The following CDV3 variants were observed in gnomAD, a reference collection of about 807,000 sequenced individuals.
CDV3 encodes the protein protein CDV3 homolog.
A neutral mutation model predicts 24.5 loss-of-function variants in CDV3; 14 were observed. That is an observed-to-expected ratio of 0.57 (90% CI 0.38 to 0.89). The LOEUF (loss-of-function observed/expected upper bound fraction) is 0.89, where lower values mean the gene tolerates loss of function less well. Among genes scored for constraint, CDV3 ranks in the 40% least tolerant of loss-of-function variants. The probability of loss-of-function intolerance (pLI) is 0.00; values close to 1 mark genes in which losing one functional copy is unlikely to be tolerated. For missense variants in CDV3, 304 were observed against 310.2 expected, an observed-to-expected ratio of 0.98 and a Z score of 0.15; for synonymous variants, 114 against 114.1, an observed-to-expected ratio of 1.00 and a Z score of 0.00.
At chr3:133,577,851 G>T (rs1199324383) in intron 2 of CDV3, among the ~76,000 whole-genome samples, 7 of 152,136 alleles carry the variant, frequency 4.6e-5, no homozygotes, top group African/African-American at 9.7e-5. Context: ...CCAGTTTTGT[G>T]TCTGAATTAA....
chr3:133,586,862 T>C (rs150055916), intron 4 of CDV3, 140 bp downstream of exon 4: 1 of 623,106 alleles, frequency 1.6e-6, no homozygotes, highest in African/African-American at 1.8e-5. Context: ...GACAGGCAGG[T>C]GAGAATCAGG....
At position 133,588,174 on chromosome 3, in the gene CDV3, C is replaced by G. The variant is rs1933804691; in HGVS notation, c.*128C>G. 3 of 1,541,456 alleles carry G rather than the reference C, an allele frequency of 1.9e-6. No individual in the cohort carries two copies. Among genetic ancestry groups the G allele is most frequent in the Non-Finnish European group, 2.6e-6 (3 of 1,144,802 alleles). On this transcript the variant is annotated 3_prime_UTR_variant, in exon 5 of 5. Transcript: ENST00000264993. ...AGACCACTCGATTTCATGACCGGCC[C>G]TATTGCACTATGGAAGTTAAAGTGT...
rs773779474 is a variant in CDV3 at position 133,583,962 on chromosome 3, T to G, written c.318-40T>G. Reference sequence around the variant, plus strand: ...CTAACGATTTGGACTGAAAATTTTCTTGGTGATTCCTTAATGAATTTACAT... The same window carrying G: ...CTAACGATTTGGACTGAAAATTTTCGTGGTGATTCCTTAATGAATTTACAT... On this transcript the variant is annotated intron_variant, in intron 2 of 4. Coordinates refer to ENST00000264993, the MANE Select transcript of CDV3 (RefSeq NM_017548.5). The G allele has an allele frequency of 7.2e-6, 11 of 1,519,532 alleles. No individual in the cohort carries two copies. In the South Asian group the frequency reaches 1.3e-4, roughly 18 times the overall value. The allele number at this position is 1,519,532 out of a possible 1,614,324, so 94.1% of individuals were successfully genotyped here. A position where few individuals can be genotyped will look rare whatever the true frequency, so the allele number is the denominator to read the frequency against.
At position 133,575,124 on chromosome 3, in the gene CDV3, T is replaced by A. The variant is rs1432500219; in HGVS notation, c.317+9T>A. On this transcript the variant is annotated intron_variant, in intron 2 of 4. Transcript: ENST00000264993. ...CAGGCAATGCAAATAAGGTATAGTC[T>A]GGTTACAAATGTGTTTAGATAACCT... 1 of 1,440,186 alleles carries A rather than the reference T, an allele frequency of 6.9e-7. No homozygotes were observed. The highest frequency in any genetic ancestry group is 1.4e-5 in the African/African-American group (1 of 71,592). 89.2% of individuals were successfully genotyped at this position (1,440,186 alleles called of 1,614,324 possible).
At chr3:133,574,444 C>T (rs1409622799) in intron 1 of CDV3, 160 bp downstream of exon 1, 31 of 985,938 alleles carry the variant, frequency 3.1e-5, no homozygotes, top group Admixed American at 1.2e-4. Flanking sequence ...GGGCTGGGCT[C>T]GCCAGGGCCG....
In CDV3 at chr3:133,587,619, C is replaced by T. The variant is rs1159650380; in HGVS notation, c.627-277C>T. 6 of 1,152,238 alleles carry T rather than the reference C, an allele frequency of 5.2e-6. No individual in the cohort carries two copies. The South Asian group carries it at 1.2e-4, about 22-fold the overall frequency. 71.4% of individuals were successfully genotyped at this position (1,152,238 alleles called of 1,614,324 possible). On this transcript the variant is annotated intron_variant, in intron 4 of 4. Transcript: ENST00000264993. Reference sequence around the variant, plus strand: ...GAGTCTTAGGAGGAATGTCATTACACAGCTTTTAACAGTTTTCTTCAAGTT... The same window carrying T: ...GAGTCTTAGGAGGAATGTCATTACATAGCTTTTAACAGTTTTCTTCAAGTT...
At chr3:133,583,479 C>T (rs191039409) in intron 2 of CDV3, among the ~76,000 whole-genome samples, 10 of 152,306 alleles carry the variant, frequency 6.6e-5, no homozygotes, top group Non-Finnish European at 1.2e-4. Context: ...CTCCCTTAGT[C>T]GCTTGAGGTG....
rs1933911460 is a variant in CDV3 at position 133,589,384 on chromosome 3, T to TA, written c.*1339dup. Reference sequence around the variant, plus strand: ...ATGTAGCACTTCTGTTTTTAATAATTATTGCTTAAAATACCTATTAATAGT... The same window carrying TA: ...ATGTAGCACTTCTGTTTTTAATAATTAATTGCTTAAAATACCTATTAATAGT... On this transcript the variant is annotated 3_prime_UTR_variant, in exon 5 of 5. Coordinates refer to ENST00000264993, the MANE Select transcript of CDV3 (RefSeq NM_017548.5). 6.6e-6 allele frequency: 1 copy of TA among 152,594 alleles called. No homozygotes were observed. 9.5% of individuals were successfully genotyped at this position (152,594 alleles called of 1,614,324 possible). A position where few individuals can be genotyped will look rare whatever the true frequency, so the allele number is the denominator to read the frequency against.
At chr3:133,587,758 G>A (rs763691235) in intron 4 of CDV3, 138 bp from the exon 5 acceptor site, 20 of 1,431,948 alleles carry the variant, frequency 1.4e-5, no homozygotes, top group Non-Finnish European at 1.8e-5. Context: ...GGTTTGATAA[G>A]GATTTTCTAT....
Position 133,575,047 on chromosome 3 carries a change from T to G in CDV3, c.249T>G (p.Asp83Glu). The change falls in exon 2 of 5, where the codon GAT becomes GAG. Residue 83 changes from aspartate (D) to glutamate (E), a missense_variant. By Grantham distance (45) the Asp-to-Glu change is conservative. Coordinates refer to ENST00000264993, the MANE Select transcript of CDV3 (RefSeq NM_017548.5). ...TGGCGTTTGTTTTACAGGACGAAGA[T>G]GAATGGAAAGAATTGGAGCAAAAAG... ...AATKAVTKDE[D>E]EWKELEQKEV... 1.3e-6 allele frequency: 2 copies of G among 1,598,176 alleles called. No homozygotes were observed. Among genetic ancestry groups the G allele is most frequent in the Non-Finnish European group, 1.7e-6 (2 of 1,165,558 alleles).
Position 133,574,088 on chromosome 3 carries a change from A to C in CDV3, c.44A>C (p.Lys15Thr). The C allele has an allele frequency of 8.1e-7, 1 of 1,236,656 alleles. No homozygotes were observed. Among genetic ancestry groups the C allele is most frequent in the Non-Finnish European group, 1.0e-6 (1 of 964,630 alleles). 76.6% of individuals were successfully genotyped at this position (1,236,656 alleles called of 1,614,324 possible). A position where few individuals can be genotyped will look rare whatever the true frequency, so the allele number is the denominator to read the frequency against. Reference sequence around the variant, plus strand: ...CGGAGCCTGGACAACTTCTTTGCCAAGAGGGACAAGAAGAAGAAGAAGGAG... The same window carrying C: ...CGGAGCCTGGACAACTTCTTTGCCACGAGGGACAAGAAGAAGAAGAAGGAG... ...EERSLDNFFA[K>T]RDKKKKKERS... The change falls in exon 1 of 5, where the codon AAG becomes ACG. Residue 15 changes from lysine to threonine, a missense_variant. Lys to Thr is a moderately conservative substitution (Grantham distance 78). This residue lies in a region of CDV3 where 219 missense variants were observed against 203.6 expected (regional missense o/e 1.08). Coordinates refer to ENST00000264993, the MANE Select transcript of CDV3 (RefSeq NM_017548.5).
intron 2 of CDV3, among the ~76,000 whole-genome samples, chr3:133,576,091 T>A (rs1412263780): frequency 6.6e-6 from 1 of 152,246 alleles, no homozygotes; most frequent in Non-Finnish European, 1.5e-5. Context: ...TAGCTTTAGA[T>A]AACTTACTCA....
At chr3:133,574,749 G>A (rs2074738249) in intron 1 of CDV3, 3 of 1,089,248 alleles carry the variant, frequency 2.8e-6, no homozygotes, top group Admixed American at 4.9e-5. Context: ...CAAGGTTGAA[G>A]TAGAAATGTA....
At chr3:133,582,783 A>G (rs556419547) in intron 2 of CDV3, among the ~76,000 whole-genome samples, 2 of 152,334 alleles carry the variant, frequency 1.3e-5, no homozygotes, top group African/African-American at 2.4e-5. Flanking sequence ...CACCATTGTC[A>G]TGAAAAATAA....
rs564027119 is a variant in CDV3 at position 133,574,960 on chromosome 3, C to G, written c.241-79C>G. 5 of 922,200 alleles carry G rather than the reference C, an allele frequency of 5.4e-6. 1 individual carries two copies. In the South Asian group the frequency reaches 5.7e-5, roughly 11 times the overall value. The allele number at this position is 922,200 out of a possible 1,614,324, so 57.1% of individuals were successfully genotyped here. A position where few individuals can be genotyped will look rare whatever the true frequency, so the allele number is the denominator to read the frequency against. ...TTAGTTTAGGTTCCAGCCACTTGAT[C>G]CACTTTTCGTAGTGTGTTATTTGCT... On this transcript the variant is annotated intron_variant, in intron 1 of 4. Transcript: ENST00000264993.
rs1559793589 is a variant in CDV3 at position 133,588,142 on chromosome 3, C to T, written c.*96C>T. ...CTGATCTCTGCTGGATCTACAGACA[C>T]CGATGCAGACCACTCGATTTCATGA... On this transcript the variant is annotated 3_prime_UTR_variant, in exon 5 of 5. Transcript: ENST00000264993. 1.9e-6 allele frequency: 3 copies of T among 1,560,104 alleles called. No homozygotes were observed. The South Asian group carries it at 3.7e-5, about 19-fold the overall frequency.
rs1261313688 is a variant in CDV3, at chr3:133,589,945, T to C, written c.*1899T>C. On this transcript the variant is annotated 3_prime_UTR_variant, in exon 5 of 5. Coordinates refer to ENST00000264993, the MANE Select transcript of CDV3 (RefSeq NM_017548.5). ...CTCTTCATCGTTGAACTGTGCATTT[T>C]CCCTGCATTTTTTCCCAACAAAATT... 6.6e-6 allele frequency: 1 copy of C among 152,250 alleles called. No individual in the cohort carries two copies. The highest frequency in any genetic ancestry group is 1.5e-5 in the Non-Finnish European group (1 of 68,044). The allele number at this position is 152,250 out of a possible 1,614,324, so 9.4% of individuals were successfully genotyped here.
At chr3:133,575,190 C>A in intron 2 of CDV3, 75 bp downstream of exon 2, 1 of 805,028 alleles carries the variant, frequency 1.2e-6, no homozygotes, top group East Asian at 2.5e-5. Context: ...TTCCTTTGGC[C>A]CCAAAGCAGC....
rs1933831194 is a variant in CDV3 at position 133,588,506 on chromosome 3, C to CA, written c.*461dup. 1 of 859,650 alleles carries CA rather than the reference C, an allele frequency of 1.2e-6. No homozygotes were observed. Among genetic ancestry groups the CA allele is most frequent in the Non-Finnish European group, 1.8e-6 (1 of 556,854 alleles). The allele number at this position is 859,650 out of a possible 1,614,324, so 53.3% of individuals were successfully genotyped here. A position where few individuals can be genotyped will look rare whatever the true frequency, so the allele number is the denominator to read the frequency against. On this transcript the variant is annotated 3_prime_UTR_variant, in exon 5 of 5. Transcript: ENST00000264993. ...TACTGGATTCTTATCAGAAATCCTGCATAAAAAGTCAGCCATCTGGGTTCT... is the reference window on the plus strand; with the variant it reads ...TACTGGATTCTTATCAGAAATCCTGCAATAAAAAGTCAGCCATCTGGGTTCT...
Sources: gnomAD v4.1 joint callset for allele counts (sites outside exome capture counted in the v4.1 genomes callset) on GRCh38, gnomAD v4.1.1 for gene constraint, gnomAD v4.1.1 regional missense constraint, MANE v1.5 for transcripts, NCBI Gene and HGNC (gene_info 2026-07-23, HGNC 2026-07-21) for gene names.